CDNF: variants seen among roughly 807,000 people sequenced by gnomAD.
The protein encoded by CDNF is cerebral dopamine neurotrophic factor.
CDNF carries 9 observed loss-of-function variants against 14.8 expected under a neutral mutation model. The observed-to-expected ratio is 0.61, with a 90% confidence interval of 0.37 to 1.06. CDNF has a LOEUF of 1.06. Ranked by LOEUF, CDNF falls within the 50% of genes least tolerant of loss-of-function variation. The pLI is 0.01. For synonymous variants in CDNF, 86 were observed against 87.2 expected (o/e 0.99, Z 0.07); for missense variants, 228 against 228.4 (o/e 1.00, Z 0.01).
chr10:14,823,251 C>T (rs967458735), intron 3 of CDNF, among the ~76,000 whole-genome samples: 21 of 152,140 alleles, frequency 1.4e-4, no homozygotes, highest in Admixed American at 3.9e-4. Flanking sequence ...TGGTATCTGG[C>T]ATTAATTTTA....
intron 1 of CDNF, among the ~76,000 whole-genome samples, chr10:14,836,477 C>T (rs2131629684): frequency 6.6e-6 from 1 of 152,318 alleles, no homozygotes; most frequent in East Asian, 1.9e-4. Context: ...CTCACAAAGT[C>T]TGTTTTAAAA....
rs1168824330 is a variant in CDNF at position 14,828,192 on chromosome 10, C to T, written c.196G>A (p.Glu66Lys). Residue 66 changes from glutamate (E) to lysine (K), a missense_variant, in exon 2 of 4, where the codon GAA becomes AAA. Physicochemically the swap from Glu to Lys is moderately conservative, Grantham distance 56. Transcript: ENST00000465530. ...GTGTCCAAGCAAAAACTGATCAATT[C>T]TTTCTCTATAGTGTCCAGCGAAAAG... ...VNFSLDTIEK[E>K]LISFCLDTKG... 2 of 1,613,664 alleles carry T rather than the reference C, an allele frequency of 1.2e-6. No homozygotes were observed. Among genetic ancestry groups the T allele is most frequent in the Non-Finnish European group, 1.7e-6 (2 of 1,179,654 alleles).
intron 2 of CDNF, among the ~76,000 whole-genome samples, chr10:14,826,092 A>AAGAAGC (rs1157240519): frequency 1.8e-5 from 2 of 110,980 alleles, no homozygotes; most frequent in African/African-American, 6.4e-5. Context: ...GAAGAAGAAG[A>AAGAAGC]AGAAGCAGCA....
rs190459474 is a variant in CDNF, at chr10:14,819,346, G to T, written c.*634C>A. On this transcript the variant is annotated 3_prime_UTR_variant, in exon 4 of 4. Transcript: ENST00000465530. The stretch of plus-strand genomic sequence containing the variant: ...AAGGAATGAAAAAGACCTTGAGCTT[G>T]GTTCAATTAACAATGTAAATGTTGA... 5.3e-5 allele frequency: 8 copies of T among 152,134 alleles called. No individual in the cohort carries two copies. Among genetic ancestry groups the T allele is most frequent in the African/African-American group, 1.9e-4 (8 of 41,432 alleles). 9.4% of individuals were successfully genotyped at this position (152,134 alleles called of 1,614,324 possible).
chr10:14,826,066 A>AGAC (rs1833781741), intron 2 of CDNF, among the ~76,000 whole-genome samples: 1 of 139,958 alleles, frequency 7.1e-6, no homozygotes, highest in Non-Finnish European at 1.5e-5. Context: ...AAGAAGAAGA[A>AGAC]GAAGAAGAAG....
Position 14,825,854 on chromosome 10 carries a change from C to A in CDNF, c.244-234G>T, listed in dbSNP as rs1422516877. 2.6e-5 allele frequency among the ~76,000 whole-genome samples: 4 copies of A among 151,512 alleles called. No individual in the cohort carries two copies. The East Asian group carries it at 5.8e-4, about 22-fold the overall frequency. The stretch of plus-strand genomic sequence containing the variant: ...TCTCTACTAAAACTACAAAAATTAG[C>A]CAGGTGTGCTTGCTTGAACCAAGGA... On this transcript the variant is annotated intron_variant, in intron 2 of 3. Transcript: ENST00000465530.
intron 2 of CDNF, among the ~76,000 whole-genome samples, chr10:14,827,025 G>A (rs534575244): frequency 1.4e-5 from 2 of 146,350 alleles, no homozygotes; most frequent in Admixed American, 1.4e-4. Context: ...AGATCAGCCT[G>A]GGCTACAAGG....
At chr10:14,828,039 T>C in intron 2 of CDNF, 106 bp downstream of exon 2, 1 of 1,110,720 alleles carries the variant, frequency 9.0e-7, no homozygotes, top group Non-Finnish European at 1.3e-6. Flanking sequence ...AAAATGGACA[T>C]ACTTGAGGCA....
chr10:14,833,333 T>C (rs997283837), intron 1 of CDNF, among the ~76,000 whole-genome samples: 3 of 152,128 alleles, frequency 2.0e-5, no homozygotes, highest in African/African-American at 7.2e-5. Context: ...CAGAACAAAA[T>C]AGACCAGCCT....
chr10:14,820,018 G>A lies in CDNF; in HGVS notation c.526C>T (p.Pro176Ser), dbSNP rs1386370658. 1 of 1,613,990 alleles carries A rather than the reference G, an allele frequency of 6.2e-7. No individual in the cohort carries two copies. The highest frequency in any genetic ancestry group is 1.7e-5 in the Admixed American group (1 of 59,994). ...DYVNLIQELAPKYAATHPKTE... is the reference protein window; with the variant it reads ...DYVNLIQELASKYAATHPKTE... ...TTGGGGTGTGTCGCTGCATACTTGG[G>A]GGCCAGCTCTTGAATGAGATTCACA... Residue 176 changes from proline to serine, a missense_variant, in exon 4 of 4, where the codon CCC becomes TCC. Physicochemically the swap from Pro to Ser is moderately conservative, Grantham distance 74. Coordinates refer to ENST00000465530, the MANE Select transcript of CDNF (RefSeq NM_001029954.3).
intron 3 of CDNF, among the ~76,000 whole-genome samples, chr10:14,821,885 A>C (rs1208497877): frequency 2.6e-5 from 4 of 152,208 alleles, no homozygotes; most frequent in South Asian, 2.1e-4. Context: ...AAACCCATAG[A>C]TTGTAATTAA....
chr10:14,835,853 G>C (rs1241417483), intron 1 of CDNF, among the ~76,000 whole-genome samples: 2 of 152,154 alleles, frequency 1.3e-5, no homozygotes, highest in African/African-American at 4.8e-5. Context: ...GGCAGAGTAG[G>C]GGCGGCAAAC....
In CDNF at chr10:14,819,998, G is replaced by C; in HGVS notation, c.546C>G (p.His182Gln). Residue 182 changes from histidine (H) to glutamine (Q), a missense_variant, in exon 4 of 4, where the codon CAC (histidine) becomes CAG (glutamine). His to Gln is a conservative substitution (Grantham distance 24). Coordinates refer to ENST00000465530, the MANE Select transcript of CDNF (RefSeq NM_001029954.3). ...QELAPKYAATHPKTEL is the reference protein window; with the variant it reads ...QELAPKYAATQPKTEL ...TTGGAGATCAGAGCTCTGTTTTGGG[G>C]TGTGTCGCTGCATACTTGGGGGCCA... 1 of 1,613,804 alleles carries C rather than the reference G, an allele frequency of 6.2e-7. No homozygotes were observed. The highest frequency in any genetic ancestry group is 8.5e-7 in the Non-Finnish European group (1 of 1,179,992).
At position 14,822,222 on chromosome 10, in the gene CDNF, C is replaced by T. The variant is rs546778928; in HGVS notation, c.386-2064G>A. On this transcript the variant is annotated intron_variant, in intron 3 of 3. Transcript: ENST00000465530. ...AAATTCTTGCCAATGATACTTGTCA[C>T]CAACATCTAACCTCCTCTAGCAAGA... is the stretch of plus-strand genomic sequence containing the variant. Among the ~76,000 whole-genome samples the T allele has an allele frequency of 7.2e-5, 11 of 152,266 alleles. No individual in the cohort carries two copies. The South Asian group carries it at 2.3e-3, about 32-fold the overall frequency.
chr10:14,828,066 G>A, intron 2 of CDNF, 79 bp downstream of exon 2: 1 of 1,421,612 alleles, frequency 7.0e-7, no homozygotes, highest in African/African-American at 1.4e-5. Flanking sequence ...TAAGTAGGAG[G>A]ACTTCACGTC....
intron 2 of CDNF, 98 bp from the exon 3 acceptor site, chr10:14,825,718 G>T: frequency 1.5e-6 from 2 of 1,332,612 alleles, no homozygotes; most frequent in Non-Finnish European, 1.1e-6. Flanking sequence ...AAAGAGGTAG[G>T]CTGGACATGG....
intron 3 of CDNF, among the ~76,000 whole-genome samples, chr10:14,823,511 CTTTTA>C (rs1385534831): frequency 6.6e-6 from 1 of 152,070 alleles, no homozygotes; most frequent in East Asian, 1.9e-4. Context: ...GTGATATTGG[CTTTTA>C]TTTATTTTTA....
Position 14,819,470 on chromosome 10 carries a change from T to C in CDNF, c.*510A>G, listed in dbSNP as rs1833717706. ...GTTTTCTTCCAATGGGAAAAACGAG[T>C]ACTCCTGCCTGACCATTTCTGATAC... On this transcript the variant is annotated 3_prime_UTR_variant, in exon 4 of 4. Coordinates refer to ENST00000465530, the MANE Select transcript of CDNF (RefSeq NM_001029954.3). The C allele has an allele frequency of 6.6e-6, 1 of 152,212 alleles. No homozygotes were observed. The highest frequency in any genetic ancestry group is 1.5e-5 in the Non-Finnish European group (1 of 68,068). The allele number at this position is 152,212 out of a possible 1,614,324, so 9.4% of individuals were successfully genotyped here.
intron 1 of CDNF, among the ~76,000 whole-genome samples, chr10:14,835,778 TCA>T (rs1417020925): frequency 6.6e-6 from 1 of 152,188 alleles, no homozygotes; most frequent in Non-Finnish European, 1.5e-5. Flanking sequence ...ATAATAGGAC[TCA>T]CAGACTTGAA....
Sources: allele counts gnomAD v4.1 joint callset (sites outside exome capture counted in the v4.1 genomes callset), GRCh38; gene constraint gnomAD v4.1.1; transcripts MANE v1.5; gene names NCBI Gene and HGNC (gene_info 2026-07-23, HGNC 2026-07-21).